Variants in PCDHA1 observed in about 807,000 individuals in gnomAD.
PCDHA1 encodes protocadherin alpha 1.
In PCDHA1, 42 loss-of-function variants were observed where a neutral mutation model predicts 61.3. That is an observed-to-expected ratio of 0.69 (90% CI 0.54 to 0.89). The LOEUF is 0.89. Ranked by LOEUF, PCDHA1 falls within the 40% of genes least tolerant of loss-of-function variation. The probability of loss-of-function intolerance (pLI) is 0.00; values close to 1 mark genes in which losing one functional copy is unlikely to be tolerated. For missense variants in PCDHA1, 1,256 were observed against 1,235.3 expected (o/e 1.02, Z -0.25); for synonymous variants, 610 against 553.8 (o/e 1.10, Z -1.43).
In PCDHA1 at chr5:140,823,556, G is replaced by C; in HGVS notation, c.2394+34872G>C. ...GCGGGCCACGTGGTGGCGAAGGTGC[G>C]CGCAGTGGACCCTGATTCGGGCTAC... On this transcript the variant is annotated intron_variant, in intron 1 of 3. Coordinates refer to ENST00000504120, the MANE Select transcript of PCDHA1 (RefSeq NM_018900.4). 6.2e-7 allele frequency: 1 copy of C among 1,613,890 alleles called. No homozygotes were observed. Among genetic ancestry groups the C allele is most frequent in the South Asian group, 1.1e-5 (1 of 91,064 alleles).
chr5:140,829,655 C>G, intron 1 of PCDHA1: 3 of 1,612,510 alleles, frequency 1.9e-6, no homozygotes, highest in Non-Finnish European at 2.5e-6. Context: ...CGCGCTGCAG[C>G]CGCTGGACCA....
intron 1 of PCDHA1, chr5:140,884,671 A>G (rs1554181819): frequency 1.3e-6 from 2 of 1,562,846 alleles, no homozygotes; most frequent in African/African-American, 2.7e-5. Context: ...AGGTAAGCTT[A>G]TATTTTAAAA....
chr5:140,791,438 A>G (rs1387362071), intron 1 of PCDHA1, among the ~76,000 whole-genome samples: 2 of 152,352 alleles, frequency 1.3e-5, no homozygotes, highest in South Asian at 2.1e-4. Context: ...GGAAGTCCCC[A>G]ATAACTACAA....
intron 1 of PCDHA1, among the ~76,000 whole-genome samples, chr5:140,892,875 G>A (rs1041608064): frequency 1.3e-5 from 2 of 152,022 alleles, no homozygotes; most frequent in Non-Finnish European, 2.9e-5. Flanking sequence ...CTATAATTTC[G>A]TATCCATTAA....
At chr5:140,837,001 C>A in intron 1 of PCDHA1, 1 of 327,960 alleles carries the variant, frequency 3.0e-6, no homozygotes, top group Non-Finnish European at 5.5e-6. Flanking sequence ...CTAACTGGAG[C>A]AATGGATTCA....
At chr5:140,814,851 C>T (rs1174048705) in intron 1 of PCDHA1, 1 of 152,152 alleles carries the variant, frequency 6.6e-6, no homozygotes, top group Non-Finnish European at 1.5e-5. Context: ...ATGTTTGCCT[C>T]ATATATTTAG....
In PCDHA1 at chr5:140,851,765, C is replaced by T; in HGVS notation, c.2394+63081C>T. Reference sequence around the variant, plus strand: ...AGAGTCTGTAACTTAAAACATTACCCTTATGAATTTAGATGAGAATTCACT... The same window carrying T: ...AGAGTCTGTAACTTAAAACATTACCTTTATGAATTTAGATGAGAATTCACT... On this transcript the variant is annotated intron_variant, in intron 1 of 3. Transcript: ENST00000504120. 12 of 970,186 alleles carry T rather than the reference C, an allele frequency of 1.2e-5. 1 individual carries two copies. The highest frequency in any genetic ancestry group is 1.4e-5 in the Non-Finnish European group (11 of 802,992). The allele number at this position is 970,186 out of a possible 1,614,324, so 60.1% of individuals were successfully genotyped here. A position where few individuals can be genotyped will look rare whatever the true frequency, so the allele number is the denominator to read the frequency against.
At position 140,835,282 on chromosome 5, in the gene PCDHA1, G is replaced by A. The variant is rs2150233282; in HGVS notation, c.2394+46598G>A. On this transcript the variant is annotated intron_variant, in intron 1 of 3. Transcript: ENST00000504120. Reference sequence around the variant, plus strand: ...AAGTTCCACATGGACCCCTTAAGTGGGGCAATCACAGTGATAGGACATATG... The same window carrying A: ...AAGTTCCACATGGACCCCTTAAGTGAGGCAATCACAGTGATAGGACATATG... 4 of 1,611,622 alleles carry A rather than the reference G, an allele frequency of 2.5e-6. No individual in the cohort carries two copies. In the South Asian group the frequency reaches 3.3e-5, roughly 13 times the overall value.
At chr5:140,871,612 G>T in intron 1 of PCDHA1, 1 of 1,427,256 alleles carries the variant, frequency 7.0e-7, no homozygotes, top group East Asian at 2.5e-5. Flanking sequence ...TTTGAATATT[G>T]TTTTAGATAA....
At chr5:140,910,154 G>A (rs575042155) in intron 1 of PCDHA1, among the ~76,000 whole-genome samples, 234 of 152,310 alleles carry the variant, frequency 1.5e-3, no homozygotes, top group African/African-American at 4.9e-3. Flanking sequence ...ATTGATTGAG[G>A]GGAAATTGAT....
At chr5:140,941,310 CTTCT>C (rs2093024652) in intron 1 of PCDHA1, among the ~76,000 whole-genome samples, 1 of 79,250 alleles carries the variant, frequency 1.3e-5, no homozygotes, top group Non-Finnish European at 2.6e-5. Flanking sequence ...CTTTCTTTTT[CTTCT>C]TTCTCTTTTT....
intron 1 of PCDHA1, chr5:140,966,609 G>A: frequency 1.4e-6 from 1 of 702,876 alleles, no homozygotes; most frequent in Non-Finnish European, 2.1e-6. Flanking sequence ...CCTTGGGAGG[G>A]CCTACGGAGG....
rs3806841 is a variant in PCDHA1, at chr5:140,855,953, T to C, written c.2394+67269T>C. On this transcript the variant is annotated intron_variant, in intron 1 of 3. Transcript: ENST00000504120. Reference sequence around the variant, plus strand: ...CATTCTGAGATCTCAGCCATTTCGATAAAAAATAGATATAAGAAATAGGAC... The same window carrying C: ...CATTCTGAGATCTCAGCCATTTCGACAAAAAATAGATATAAGAAATAGGAC... 9.7e-5 allele frequency: 134 copies of C among 1,381,096 alleles called. 3 individuals are homozygous for C. In the East Asian group the frequency reaches 3.0e-3, roughly 31 times the overall value. 85.6% of individuals were successfully genotyped at this position (1,381,096 alleles called of 1,614,324 possible).
rs1236174883 is a variant in PCDHA1 at position 140,948,633 on chromosome 5, C to T, written c.2395-30316C>T. Among the ~76,000 whole-genome samples the T allele has an allele frequency of 2.6e-5, 4 of 151,768 alleles. No individual in the cohort carries two copies. The East Asian group carries it at 7.7e-4, about 29-fold the overall frequency. ...GGCACAAAGTTGTTAATAATATTCTCTCATCTTTTAACGTCTGTATAATCT... is the reference window on the plus strand; with the variant it reads ...GGCACAAAGTTGTTAATAATATTCTTTCATCTTTTAACGTCTGTATAATCT... On this transcript the variant is annotated intron_variant, in intron 1 of 3. Transcript: ENST00000504120.
In PCDHA1 at chr5:140,807,598, A is replaced by G. The variant is rs1581686501; in HGVS notation, c.2394+18914A>G. ...ACCCGCCGGTGTTCCCAGCAACACA[A>G]AAGAACCTGTCCATCGCGGAATCCA... On this transcript the variant is annotated intron_variant, in intron 1 of 3. Transcript: ENST00000504120. 15 of 1,614,200 alleles carry G rather than the reference A, an allele frequency of 9.3e-6. No homozygotes were observed. The East Asian group carries it at 1.8e-4, about 19-fold the overall frequency.
At chr5:140,921,198 A>T (rs1298623554) in intron 1 of PCDHA1, among the ~76,000 whole-genome samples, 2 of 152,076 alleles carry the variant, frequency 1.3e-5, no homozygotes, top group African/African-American at 4.8e-5. Flanking sequence ...CAATAGATTG[A>T]CAACGATAAT....
intron 1 of PCDHA1, chr5:140,876,163 A>AC (rs782492210): frequency 6.2e-7 from 1 of 1,613,966 alleles, no homozygotes; most frequent in South Asian, 1.1e-5. Flanking sequence ...GATTCAAATA[A>AC]CCGTCCTGGA....
chr5:140,988,491 AGG>A (rs2097299997), intron 3 of PCDHA1, among the ~76,000 whole-genome samples: 1 of 152,182 alleles, frequency 6.6e-6, no homozygotes, highest in Non-Finnish European at 1.5e-5. Context: ...TCCCCTACCT[AGG>A]AGAAGCCATG....
At chr5:140,808,603 C>T (rs1554124649) in intron 1 of PCDHA1, 1 of 1,613,880 alleles carries the variant, frequency 6.2e-7, no homozygotes, top group Non-Finnish European at 8.5e-7. Context: ...CGCCGGGCTG[C>T]CACATCTTCA....
Sources: gnomAD v4.1 joint callset for allele counts (sites outside exome capture counted in the v4.1 genomes callset) on GRCh38, gnomAD v4.1.1 for gene constraint, MANE v1.5 for transcripts, NCBI Gene and HGNC (gene_info 2026-07-23, HGNC 2026-07-21) for gene names.